ASCC2: variants seen among roughly 807,000 people sequenced by gnomAD.
ASCC2 encodes the protein ASC-1 complex subunit P100.
ASCC2 carries 42 observed loss-of-function variants against 93.5 expected under a neutral mutation model. The observed-to-expected ratio is 0.45, with a 90% CI of 0.35 to 0.58. ASCC2 has a LOEUF of 0.58. ASCC2 is among the 20% of genes least tolerant of loss of function. The pLI is 0.00. For synonymous variants in ASCC2, 364 were observed against 384.2 expected (o/e 0.95, Z 0.62); for missense variants, 859 against 977.6 (o/e 0.88, Z 1.62).
chr22:29,803,713 A>G (rs1176771598), intron 13 of ASCC2, among the ~76,000 whole-genome samples: 3 of 152,196 alleles, frequency 2.0e-5, no homozygotes, highest in African/African-American at 7.2e-5. Context: ...TTAGCCTTTT[A>G]ATTTAAGGAA....
chr22:29,809,835 A>G (rs1323633247), intron 8 of ASCC2: 1 of 152,030 alleles, frequency 6.6e-6, no homozygotes, highest in African/African-American at 2.4e-5. Context: ...ATTTTCAAAT[A>G]AATATAATTA....
chr22:29,804,518 C>A (rs550297573), intron 13 of ASCC2, 120 bp downstream of exon 13: 1 of 1,269,872 alleles, frequency 7.9e-7, no homozygotes, highest in African/African-American at 1.5e-5. Context: ...TGTCTATTCC[C>A]CAAAAAAACT....
intron 5 of ASCC2, among the ~76,000 whole-genome samples, chr22:29,820,313 C>T (rs769099228): frequency 3.9e-5 from 6 of 152,038 alleles, no homozygotes; most frequent in African/African-American, 9.7e-5. Context: ...CAGGTGCACA[C>T]CACCACACCT....
intron 2 of ASCC2, among the ~76,000 whole-genome samples, chr22:29,828,295 T>C (rs2062708229): frequency 1.3e-5 from 2 of 152,130 alleles, no homozygotes; most frequent in African/African-American, 4.8e-5. Flanking sequence ...GCTGGAATGG[T>C]GCAAATGAAA....
chr22:29,829,493 C>A (rs890274443), intron 2 of ASCC2, among the ~76,000 whole-genome samples: 3 of 152,008 alleles, frequency 2.0e-5, no homozygotes, highest in Admixed American at 6.5e-5. Context: ...GAGGCCAAGG[C>A]GGGCGGATCA....
chr22:29,826,527 T>A (rs113147404), intron 2 of ASCC2, among the ~76,000 whole-genome samples: 8,308 of 152,066 alleles, frequency 0.055, 277 homozygotes, highest in South Asian at 0.098. Flanking sequence ...GCCCAGGTGG[T>A]CTCAAACTCC....
chr22:29,790,613 A>T, intron 18 of ASCC2, 65 bp from the exon 19 acceptor site: 2 of 1,522,642 alleles, frequency 1.3e-6, no homozygotes, highest in Non-Finnish European at 1.8e-6. Context: ...AGCGGCGATG[A>T]GGCCCTGCTC....
intron 17 of ASCC2, 25 bp downstream of exon 17, chr22:29,793,335 A>G (rs1205901940): frequency 6.2e-7 from 1 of 1,611,776 alleles, no homozygotes. Flanking sequence ...TCTGCCCTGG[A>G]ACGCCACCCC....
intron 8 of ASCC2, among the ~76,000 whole-genome samples, chr22:29,811,348 G>A (rs945154686): frequency 3.3e-5 from 5 of 152,166 alleles, no homozygotes; most frequent in African/African-American, 9.7e-5. Context: ...GTGAATAATA[G>A]AACTGGGAAA....
intron 1 of ASCC2, chr22:29,833,410 C>G (rs3958025): frequency 0.75 from 260,930 of 347,996 alleles, 98,887 homozygotes; most frequent in East Asian, 0.92. Flanking sequence ...AAGAATAGAA[C>G]GACATGAGAA....
At chr22:29,795,833 C>T (rs1045758817) in intron 15 of ASCC2, among the ~76,000 whole-genome samples, 4 of 152,076 alleles carry the variant, frequency 2.6e-5, no homozygotes, top group African/African-American at 9.7e-5. Flanking sequence ...TAGCTTCTAG[C>T]CCTGCAGGGG....
At chr22:29,790,320 T>C (rs2068840764) in intron 19 of ASCC2, 149 bp downstream of exon 19, 1 of 746,516 alleles carries the variant, frequency 1.3e-6, no homozygotes. Flanking sequence ...ATAAGGATAG[T>C]GATAATGGTA....
At chr22:29,796,501 G>C (rs1378130587) in intron 15 of ASCC2, among the ~76,000 whole-genome samples, 1 of 152,158 alleles carries the variant, frequency 6.6e-6, no homozygotes, top group Non-Finnish European at 1.5e-5. Flanking sequence ...GCATCTGTAG[G>C]AAGGGGTAAT....
At position 29,793,614 on chromosome 22, in the gene ASCC2, C is replaced by T. The variant is rs551797035; in HGVS notation, c.1751G>A (p.Arg584Gln). 45 of 1,607,310 alleles carry T rather than the reference C, an allele frequency of 2.8e-5. No individual in the cohort carries two copies. The highest frequency in any genetic ancestry group is 2.8e-4 in the South Asian group (25 of 90,294). Residue 584 changes from arginine to glutamine, a missense_variant, in exon 16 of 20, where the codon CGG (arginine) becomes CAG (glutamine). By Grantham distance (43) the Arg-to-Gln change is conservative (BLOSUM62 1). Transcript: ENST00000307790. ...CACGCTGTACTGCTCGTAGCGCTGCCGCTGTGCCGCCACTGCACGCTTGTC... is the reference window on the plus strand; with the variant it reads ...CACGCTGTACTGCTCGTAGCGCTGCTGCTGTGCCGCCACTGCACGCTTGTC... Reference protein sequence around the residue: ...LNDKRAVAAQRQRYEQYSVVV... With the variant: ...LNDKRAVAAQQQRYEQYSVVV...
At chr22:29,806,416 T>C (rs1408211404) in intron 11 of ASCC2, 69 bp downstream of exon 11, 8 of 1,578,000 alleles carry the variant, frequency 5.1e-6, no homozygotes, top group Middle Eastern at 1.7e-4. Context: ...ATAGCGGGGG[T>C]CTATCATGTA....
At chr22:29,815,828 C>T (rs551744308) in intron 6 of ASCC2, among the ~76,000 whole-genome samples, 178 bp downstream of exon 6, 93 of 152,262 alleles carry the variant, frequency 6.1e-4, no homozygotes, top group South Asian at 3.9e-3. Flanking sequence ...AAAGGGAAAA[C>T]GGCAAATTTA....
At chr22:29,791,475 T>C (rs2057736803) in intron 18 of ASCC2, among the ~76,000 whole-genome samples, 1 of 150,752 alleles carries the variant, frequency 6.6e-6, no homozygotes, top group African/African-American at 2.4e-5. Context: ...AGGTCAGGAG[T>C]TGGAGACCAG....
chr22:29,826,361 G>A (rs1406229625), intron 2 of ASCC2, among the ~76,000 whole-genome samples: 2 of 151,876 alleles, frequency 1.3e-5, no homozygotes, highest in African/African-American at 4.8e-5. Context: ...CCGTTGCCCA[G>A]GCTGAAGTGG....
chr22:29,823,201 G>C (rs1285771726), intron 4 of ASCC2, among the ~76,000 whole-genome samples: 1 of 151,722 alleles, frequency 6.6e-6, no homozygotes, highest in Non-Finnish European at 1.5e-5. Flanking sequence ...ACCACACCCA[G>C]CTAATTTTTG....
Sources: allele counts gnomAD v4.1 joint callset (sites outside exome capture counted in the v4.1 genomes callset), GRCh38; gene constraint gnomAD v4.1.1; transcripts MANE v1.5; gene names NCBI Gene and HGNC (gene_info 2026-07-23, HGNC 2026-07-21).